CRYBG3: variants seen among roughly 807,000 people sequenced by gnomAD.
CRYBG3 encodes the protein very large A-kinase anchor protein.
In CRYBG3, 127 loss-of-function variants were observed where a neutral mutation model predicts 244.2. That is an observed-to-expected ratio of 0.52 (90% CI 0.45 to 0.60). CRYBG3 has a LOEUF of 0.60. Among genes scored for constraint, CRYBG3 ranks in the 20% least tolerant of loss-of-function variants. CRYBG3 has a pLI of 0.00. For missense variants in CRYBG3, 3,325 were observed against 3,442.5 expected (o/e 0.97, Z 0.85); for synonymous variants, 1,132 against 1,195.8 (o/e 0.95, Z 1.10).
chr3:97,840,878 G>T (rs1022608478), intron 1 of CRYBG3, among the ~76,000 whole-genome samples: 1 of 151,852 alleles, frequency 6.6e-6, no homozygotes, highest in Non-Finnish European at 1.5e-5. Context: ...TTTATAACAT[G>T]ATCTTTTTAC....
intron 2 of CRYBG3, among the ~76,000 whole-genome samples, chr3:97,846,862 G>A (rs879418846): frequency 2.0e-5 from 3 of 152,056 alleles, no homozygotes; most frequent in Non-Finnish European, 4.4e-5. Context: ...GCTATATTCA[G>A]CTGTTTTTGC....
At chr3:97,933,431 T>C (rs895495158) in intron 17 of CRYBG3, 15 of 484,644 alleles carry the variant, frequency 3.1e-5, no homozygotes, top group Non-Finnish European at 5.3e-5. Flanking sequence ...TTTGGAATCA[T>C]GGGTCTCTTT....
At chr3:97,911,693 A>G (rs2039874125) in intron 15 of CRYBG3, among the ~76,000 whole-genome samples, 1 of 152,090 alleles carries the variant, frequency 6.6e-6, no homozygotes, top group Non-Finnish European at 1.5e-5. Flanking sequence ...TCCTCTTCTT[A>G]TATTAACTGT....
chr3:97,933,144 G>A, intron 17 of CRYBG3: 1 of 454,400 alleles, frequency 2.2e-6, no homozygotes, highest in Non-Finnish European at 4.4e-6. Flanking sequence ...GTCTATTCTT[G>A]TCTGACATGA....
intron 10 of CRYBG3, among the ~76,000 whole-genome samples, chr3:97,890,266 T>C (rs1207075710): frequency 6.6e-6 from 1 of 152,208 alleles, no homozygotes; most frequent in Non-Finnish European, 1.5e-5. Flanking sequence ...AGATACTGTA[T>C]TAGTTTGGGC....
At position 97,822,153 on chromosome 3, in the gene CRYBG3, C is replaced by T; in HGVS notation, c.-54C>T. The T allele has an allele frequency of 7.2e-7, 1 of 1,388,234 alleles. No individual in the cohort carries two copies. Among genetic ancestry groups the T allele is most frequent in the South Asian group, 1.6e-5 (1 of 63,924 alleles). The allele number at this position is 1,388,234 out of a possible 1,614,324, so 86.0% of individuals were successfully genotyped here. On this transcript the variant is annotated 5_prime_UTR_variant, in exon 1 of 22. Transcript: ENST00000389622. ...GCCCGGTCGGGCTCCGGGCACCAGG[C>T]AACACCTAGGCCGTTCCCTTCAGAC...
chr3:97,871,303 T>C (rs966362119), intron 3 of CRYBG3, among the ~76,000 whole-genome samples: 3 of 152,242 alleles, frequency 2.0e-5, no homozygotes, highest in Admixed American at 6.5e-5. Flanking sequence ...AACAAATACA[T>C]ACTGAGTGTT....
intron 2 of CRYBG3, among the ~76,000 whole-genome samples, chr3:97,862,596 A>G (rs901714980): frequency 2.6e-5 from 4 of 152,218 alleles, no homozygotes; most frequent in African/African-American, 9.6e-5. Context: ...CAAAATGTCA[A>G]TTAGCATATC....
intron 12 of CRYBG3, among the ~76,000 whole-genome samples, chr3:97,898,316 TTC>T (rs2039663094): frequency 6.6e-6 from 1 of 152,198 alleles, no homozygotes; most frequent in Admixed American, 6.5e-5. Flanking sequence ...ATTTGTTATT[TTC>T]TCTTTCATGA....
In CRYBG3 at chr3:97,825,400, C is replaced by G. The variant is rs116358456; in HGVS notation, c.149+3045C>G. Among the ~76,000 whole-genome samples, 1,362 of 152,240 alleles carry G rather than the reference C, an allele frequency of 8.9e-3. 12 individuals carry two copies. The highest frequency in any genetic ancestry group is 0.032 in the African/African-American group (1,316 of 41,528). ...GTGAAGAGAGATGGTAAGGTGAGAA[C>G]AGTATTTATCAAGGGCTGACTGTGC... On this transcript the variant is annotated intron_variant, in intron 1 of 21. Transcript: ENST00000389622.
chr3:97,929,450 C>T (rs1165928224), intron 17 of CRYBG3, among the ~76,000 whole-genome samples: 1 of 151,810 alleles, frequency 6.6e-6, no homozygotes, highest in Non-Finnish European at 1.5e-5. Flanking sequence ...TTAACCACCC[C>T]CCATCATCCT....
intron 15 of CRYBG3, among the ~76,000 whole-genome samples, chr3:97,908,318 C>T (rs988321490): frequency 1.4e-4 from 22 of 152,040 alleles, no homozygotes; most frequent in African/African-American, 2.9e-4. Flanking sequence ...CTTTCAGTCT[C>T]GTTGATCTGT....
Position 97,874,038 on chromosome 3 carries a change from T to C in CRYBG3, c.2844T>C (p.His948=), listed in dbSNP as rs2039339097. The change falls in exon 4 of 22, where the codon CAT becomes CAC. Residue 948 remains histidine (H), a synonymous_variant. Transcript: ENST00000389622. The part of the protein sequence containing the change: ...SNISWILPPI[H]DEKISRQMAQ... ...TATCTTGGATTTTACCACCTATTCA[T>C]GATGAAAAAATCAGTAGGCAAATGG... 7.8e-6 allele frequency: 12 copies of C among 1,535,678 alleles called. No homozygotes were observed. Among genetic ancestry groups the C allele is most frequent in the Non-Finnish European group, 1.0e-5 (12 of 1,146,826 alleles).
chr3:97,925,505 A>C (rs567156107), intron 17 of CRYBG3, among the ~76,000 whole-genome samples: 1 of 152,108 alleles, frequency 6.6e-6, no homozygotes, highest in Non-Finnish European at 1.5e-5. Flanking sequence ...GAAATATAGT[A>C]GTTACAATGA....
chr3:97,866,553 C>A (rs2108206829), intron 3 of CRYBG3, among the ~76,000 whole-genome samples: 1 of 152,322 alleles, frequency 6.6e-6, no homozygotes, highest in Admixed American at 6.5e-5. Context: ...CAGCAATATT[C>A]TAACAACCTC....
At position 97,893,013 on chromosome 3, in the gene CRYBG3, C is replaced by T; in HGVS notation, c.7574+20C>T. The T allele has an allele frequency of 1.3e-6, 2 of 1,583,742 alleles. No individual in the cohort carries two copies. The highest frequency in any genetic ancestry group is 1.7e-6 in the Non-Finnish European group (2 of 1,169,230). On this transcript the variant is annotated intron_variant, in intron 11 of 21. Transcript: ENST00000389622. ...TGGAGTGTGAGTATCATATTTTTAA[C>T]ATTTGCACAAGTAGTCTGTTTTTGA... is the stretch of plus-strand genomic sequence containing the variant.
intron 15 of CRYBG3, among the ~76,000 whole-genome samples, chr3:97,910,982 C>T (rs1428756557): frequency 1.3e-5 from 2 of 152,184 alleles, no homozygotes; most frequent in Admixed American, 6.5e-5. Context: ...CTCCTTAAGG[C>T]AAGAAGTCCC....
In CRYBG3 at chr3:97,875,785, GA is replaced by G; in HGVS notation, c.4594del (p.Ile1532Ter). On this transcript the variant is annotated frameshift_variant, in exon 4 of 22. Coordinates refer to ENST00000389622, the MANE Select transcript of CRYBG3 (RefSeq NM_153605.4). LOFTEE classifies it high-confidence loss of function. ...AGGGAAAGTACACAAGAAGGATAAT[GA>G]AATAAATATAGGGAAAATTGAACTT... ...DVGKVHKKDN[E>X]INIGKIELIP... The G allele has an allele frequency of 2.4e-6, 3 of 1,231,622 alleles. No homozygotes were observed. The highest frequency in any genetic ancestry group is 3.0e-6 in the Non-Finnish European group (3 of 987,666). The allele number at this position is 1,231,622 out of a possible 1,614,324, so 76.3% of individuals were successfully genotyped here.
intron 7 of CRYBG3, among the ~76,000 whole-genome samples, chr3:97,882,890 G>A (rs941020421): frequency 6.6e-5 from 10 of 152,170 alleles, no homozygotes; most frequent in Non-Finnish European, 1.5e-4. Context: ...AACAATATTT[G>A]TGTCTGCTTT....
Sources: allele counts gnomAD v4.1 joint callset (sites outside exome capture counted in the v4.1 genomes callset), GRCh38; gene constraint gnomAD v4.1.1; transcripts MANE v1.5; gene names NCBI Gene and HGNC (gene_info 2026-07-23, HGNC 2026-07-21).